The following ERG variants were observed in gnomAD, a reference collection of about 807,000 sequenced individuals.
The protein encoded by ERG is ETS transcription factor ERG.
In ERG, 9 loss-of-function variants were observed where a neutral mutation model predicts 55.3. The ratio of observed to expected loss-of-function variants is 0.16; its 90% confidence interval spans 0.10 to 0.28. The LOEUF is 0.28. Among genes scored for constraint, ERG ranks in the 10% least tolerant of loss-of-function variants. The pLI, the probability that ERG is intolerant of heterozygous loss-of-function variation, is 1.00. For missense variants in ERG, 434 were observed against 631.6 expected, an observed-to-expected ratio of 0.69 and a Z score of 3.35; for synonymous variants, 223 against 237.3, an observed-to-expected ratio of 0.94 and a Z score of 0.55.
intron 2 of ERG, among the ~76,000 whole-genome samples, chr21:38,524,712 G>A (rs1875995308): frequency 6.6e-6 from 1 of 152,128 alleles, no homozygotes; most frequent in African/African-American, 2.4e-5. Flanking sequence ...TTACTGGGGT[G>A]AAAAAGACAG....
At chr21:38,437,652 T>C (rs947183218) in intron 2 of ERG, among the ~76,000 whole-genome samples, 6 of 152,178 alleles carry the variant, frequency 3.9e-5, no homozygotes, top group Non-Finnish European at 1.5e-5. Flanking sequence ...TAGTTATGGT[T>C]TGTCCGTACC....
At chr21:38,438,996 C>G (rs542487010) in intron 2 of ERG, among the ~76,000 whole-genome samples, 3 of 152,206 alleles carry the variant, frequency 2.0e-5, no homozygotes, top group Non-Finnish European at 4.4e-5. Flanking sequence ...CCGGAGCCCA[C>G]GCTGAGAATC....
At chr21:38,631,769 C>T (rs1354494036) in intron 1 of ERG, among the ~76,000 whole-genome samples, 2 of 151,984 alleles carry the variant, frequency 1.3e-5, no homozygotes, top group Non-Finnish European at 2.9e-5. Context: ...ACCCTCATCC[C>T]AGCTCAACCC....
intron 2 of ERG, among the ~76,000 whole-genome samples, chr21:38,551,932 C>T (rs12482036): frequency 0.5 from 76,287 of 151,494 alleles, 20,457 homozygotes; most frequent in Non-Finnish European, 0.62. Context: ...CTAATACTGT[C>T]AGTGAGATGT....
rs141494829 is a variant in ERG at position 38,417,617 on chromosome 21, C to T, written c.388+5793G>A. 6.7e-3 allele frequency among the ~76,000 whole-genome samples: 1,013 copies of T among 152,022 alleles called. 6 individuals are homozygous for T. The highest frequency in any genetic ancestry group is 0.022 in the African/African-American group (900 of 41,450). ...CAGCCTTGCCAACATGGTGAAACCC[C>T]GTCTCTACTACAAATACAAAAATTA... is the stretch of plus-strand genomic sequence containing the variant. On this transcript the variant is annotated intron_variant, in intron 3 of 9. Transcript: ENST00000288319.
Position 38,453,882 on chromosome 21 carries a change from C to CAAAA in ERG, c.19-8265_19-8262dup, listed in dbSNP as rs3065380. Among the ~76,000 whole-genome samples the CAAAA allele has an allele frequency of 2.5e-3, 326 of 129,828 alleles. 5 individuals carry two copies. Among genetic ancestry groups the CAAAA allele is most frequent in the East Asian group, 0.023 (102 of 4,372 alleles). The allele number at this position is 129,828 out of a possible 152,430, so 85.2% of individuals were successfully genotyped here. On this transcript the variant is annotated intron_variant, in intron 1 of 9. Transcript: ENST00000288319. ...CTGGGCAACAAGAGAAAAACTCCAT[C>CAAAA]AAAAAAAAAAAAAAAAGAAGAAGAA...
intron 9 of ERG, among the ~76,000 whole-genome samples, 159 bp from the exon 10 acceptor site, chr21:38,384,082 C>G (rs1483245715): frequency 6.6e-6 from 1 of 152,232 alleles, no homozygotes; most frequent in Admixed American, 6.5e-5. Flanking sequence ...GCGGACTGCT[C>G]TCGTTCCATG....
intron 1 of ERG, among the ~76,000 whole-genome samples, chr21:38,490,189 CAGGAAA>C (rs2059323315): frequency 6.6e-6 from 1 of 150,928 alleles, no homozygotes; most frequent in Non-Finnish European, 1.5e-5. Context: ...ATGTTCATCA[CAGGAAA>C]ATGGACAAAT....
At chr21:38,424,187 G>GTCTCTCTCTCTCTCT (rs1569087250) in intron 2 of ERG, among the ~76,000 whole-genome samples, 79 of 110,152 alleles carry the variant, frequency 7.2e-4, no homozygotes, top group Middle Eastern at 8.8e-3. Context: ...CAGAGCTCGA[G>GTCTCTCTCTCTCTCT]CTCTCTCTCT....
chr21:38,539,095 T>A (rs1448483433), intron 2 of ERG, among the ~76,000 whole-genome samples: 1 of 152,236 alleles, frequency 6.6e-6, no homozygotes, highest in East Asian at 1.9e-4. Flanking sequence ...CTGAAGGCAC[T>A]TTAACGATGC....
intron 1 of ERG, among the ~76,000 whole-genome samples, chr21:38,459,687 GTC>G (rs2059023074): frequency 6.6e-6 from 1 of 152,110 alleles, no homozygotes; most frequent in Non-Finnish European, 1.5e-5. Context: ...GCCATTTCTA[GTC>G]TCCACTAGAA....
intron 2 of ERG, among the ~76,000 whole-genome samples, chr21:38,517,828 C>T (rs1255393724): frequency 6.6e-6 from 1 of 152,070 alleles, no homozygotes; most frequent in Non-Finnish European, 1.5e-5. Context: ...AACCGGAGGT[C>T]ATTATGTCAA....
At chr21:38,535,060 T>C (rs1454327579) in intron 2 of ERG, among the ~76,000 whole-genome samples, 1 of 152,114 alleles carries the variant, frequency 6.6e-6, no homozygotes, top group African/African-American at 2.4e-5. Context: ...ACCCATCACC[T>C]AGGTATTAAG....
intron 2 of ERG, among the ~76,000 whole-genome samples, chr21:38,569,383 C>T (rs1410862054): frequency 6.6e-6 from 1 of 152,242 alleles, no homozygotes; most frequent in Non-Finnish European, 1.5e-5. Context: ...AAGGAAGTCA[C>T]TTGACCAGCA....
At chr21:38,578,084 G>A (rs2146869769) in intron 1 of ERG, among the ~76,000 whole-genome samples, 1 of 151,566 alleles carries the variant, frequency 6.6e-6, no homozygotes, top group Admixed American at 6.6e-5. Context: ...GGGGCAGCCA[G>A]CACCAACGCC....
chr21:38,480,044 T>C (rs888037153), intron 1 of ERG, among the ~76,000 whole-genome samples: 2 of 152,080 alleles, frequency 1.3e-5, no homozygotes, highest in South Asian at 4.1e-4. Context: ...ACATAAGCAC[T>C]GTGATACCGT....
At chr21:38,446,501 G>A (rs958081836) in intron 1 of ERG, among the ~76,000 whole-genome samples, 3 of 152,078 alleles carry the variant, frequency 2.0e-5, no homozygotes, top group African/African-American at 4.8e-5. Flanking sequence ...AAATTTCAAC[G>A]ACTTAAATGA....
At chr21:38,459,852 G>A (rs2059024697) in intron 1 of ERG, among the ~76,000 whole-genome samples, 1 of 152,214 alleles carries the variant, frequency 6.6e-6, no homozygotes, top group Non-Finnish European at 1.5e-5. Flanking sequence ...CATAAGGCTT[G>A]TATTCTAGCA....
intron 6 of ERG, among the ~76,000 whole-genome samples, chr21:38,394,526 G>A (rs11702629): frequency 0.06 from 9,104 of 151,834 alleles, 318 homozygotes; most frequent in Middle Eastern, 0.078. Flanking sequence ...CTAATTTTTC[G>A]TATTTTTAGT....
Sources: gnomAD v4.1 joint callset for allele counts (sites outside exome capture counted in the v4.1 genomes callset) on GRCh38, gnomAD v4.1.1 for gene constraint, MANE v1.5 for transcripts, NCBI Gene and HGNC (gene_info 2026-07-23, HGNC 2026-07-21) for gene names.